Variants in EIF3H observed in about 807,000 individuals in gnomAD.
EIF3H encodes eIF-3-gamma.
Under a neutral mutation model 44.2 loss-of-function variants are expected in EIF3H, and 26 were observed. That is an observed-to-expected ratio of 0.59 (90% confidence interval 0.43 to 0.82). The LOEUF (loss-of-function observed/expected upper bound fraction) is 0.82, where lower values mean the gene tolerates loss of function less well. Ranked by LOEUF, EIF3H falls within the 40% of genes least tolerant of loss-of-function variation. The pLI, the probability that EIF3H is intolerant of heterozygous loss-of-function variation, is 0.00. For missense variants in EIF3H, 359 were observed against 432.8 expected (o/e 0.83, Z 1.51); for synonymous variants, 166 against 151.9 (o/e 1.09, Z -0.68).
chr8:116,750,923 A>T (rs1444324494), intron 1 of EIF3H, among the ~76,000 whole-genome samples: 1 of 151,948 alleles, frequency 6.6e-6, no homozygotes, highest in Non-Finnish European at 1.5e-5. Flanking sequence ...GTTTTAATAA[A>T]AGTATGAGGC....
At chr8:116,762,227 T>A (rs576996732) in intron 1 of EIF3H, among the ~76,000 whole-genome samples, 1 of 152,240 alleles carries the variant, frequency 6.6e-6, no homozygotes, top group South Asian at 2.1e-4. Context: ...CTCTATCATT[T>A]AGCATTGAGT....
intron 1 of EIF3H, 107 bp downstream of exon 1, chr8:116,755,559 C>T: frequency 6.7e-7 from 1 of 1,484,986 alleles, no homozygotes; most frequent in Non-Finnish European, 9.1e-7. Flanking sequence ...AAACTTTGGC[C>T]CAGCCACACC....
At chr8:116,757,261 G>A (rs376818040), upstream of EIF3H, among the ~76,000 whole-genome samples, 61 of 134,086 alleles carry the variant, frequency 4.5e-4, 1 homozygote, top group South Asian at 0.014. Flanking sequence ...TACACTAGAT[G>A]TAAGAGGTAC....
intron 1 of EIF3H, among the ~76,000 whole-genome samples, chr8:116,754,170 G>T (rs1815403726): frequency 6.6e-6 from 1 of 151,864 alleles, no homozygotes; most frequent in Middle Eastern, 3.2e-3. Context: ...CTGGAGTGCA[G>T]TGGCACAATC....
chr8:116,737,296 GAA>G (rs11284390), intron 1 of EIF3H: 9 of 396,420 alleles, frequency 2.3e-5, no homozygotes, highest in South Asian at 3.7e-5. Flanking sequence ...CCCTGGGGAA[GAA>G]AAAAAAAAGA....
intron 2 of EIF3H, among the ~76,000 whole-genome samples, chr8:116,666,555 A>G (rs942482207): frequency 1.3e-5 from 2 of 152,050 alleles, no homozygotes; most frequent in African/African-American, 2.4e-5. Flanking sequence ...ACACATACAC[A>G]TAGTGGAAGA....
intron 1 of EIF3H, among the ~76,000 whole-genome samples, chr8:116,744,905 G>T (rs1815206100): frequency 6.6e-6 from 1 of 152,198 alleles, no homozygotes; most frequent in Non-Finnish European, 1.5e-5. Flanking sequence ...CAAACTTCAT[G>T]CTTTGTAGAG....
chr8:116,655,870 G>A lies in EIF3H; in HGVS notation c.693C>T (p.Leu231=), dbSNP rs369635660. The stretch of plus-strand genomic sequence containing the variant: ...GGGCCACTTACCTGCTGGCAAGGCT[G>A]AGCAATTCATGTTTATCTGCAACAG... ...KSAVADKHEL[L]SLASSNHLGK... is the part of the protein sequence containing the mutation. The change falls in exon 5 of 8, where the codon CTC becomes CTT. Residue 231 remains leucine, a synonymous_variant. Coordinates refer to ENST00000521861, the MANE Select transcript of EIF3H (RefSeq NM_003756.3). 5.6e-6 allele frequency: 9 copies of A among 1,613,628 alleles called. No individual in the cohort carries two copies. The African/African-American group carries it at 1.2e-4, about 22-fold the overall frequency.
At chr8:116,752,212 T>C (rs904380136) in intron 1 of EIF3H, among the ~76,000 whole-genome samples, 2 of 152,122 alleles carry the variant, frequency 1.3e-5, no homozygotes, top group Non-Finnish European at 2.9e-5. Context: ...GATGAGAAAA[T>C]GTACCTTTGG....
upstream of EIF3H, among the ~76,000 whole-genome samples, chr8:116,759,533 C>T (rs1231381496): frequency 6.6e-6 from 1 of 152,154 alleles, no homozygotes; most frequent in Admixed American, 6.5e-5. Flanking sequence ...GACACTTAAA[C>T]CCCTTTCAAT....
intron 1 of EIF3H, among the ~76,000 whole-genome samples, chr8:116,749,354 C>T (rs1269187823): frequency 6.6e-6 from 1 of 152,138 alleles, no homozygotes. Context: ...CAGTAAAATG[C>T]TATAAATCAC....
At chr8:116,650,344 A>G (rs1282421223) in intron 5 of EIF3H, among the ~76,000 whole-genome samples, 1 of 152,138 alleles carries the variant, frequency 6.6e-6, no homozygotes, top group Non-Finnish European at 1.5e-5. Context: ...AGCTAAACCA[A>G]ATTACCATAT....
intron 5 of EIF3H, among the ~76,000 whole-genome samples, chr8:116,654,839 A>AT (rs1813461698): frequency 6.6e-6 from 1 of 152,058 alleles, no homozygotes; most frequent in South Asian, 2.1e-4. Flanking sequence ...AGAGAAGAAC[A>AT]TTGATGTCTC....
rs186801919 is a variant in EIF3H at position 116,657,081 on chromosome 8, G to A, written c.557+134C>T. On this transcript the variant is annotated intron_variant, in intron 4 of 7. Coordinates refer to ENST00000521861, the MANE Select transcript of EIF3H (RefSeq NM_003756.3). ...GAAAGGGAGAGAGCAAGCAGCACTC[G>A]GCATGCAGAAAACTTCTACAGTCCA... is the stretch of plus-strand genomic sequence containing the variant. 3.8e-3 allele frequency: 2,749 copies of A among 722,132 alleles called. 13 individuals are homozygous for A. The highest frequency in any genetic ancestry group is 5.4e-3 in the Non-Finnish European group (2,199 of 408,006). The allele number at this position is 722,132 out of a possible 1,614,324, so 44.7% of individuals were successfully genotyped here.
chr8:116,750,757 G>A (rs1473375368), intron 1 of EIF3H, among the ~76,000 whole-genome samples: 2 of 151,984 alleles, frequency 1.3e-5, no homozygotes, highest in Non-Finnish European at 2.9e-5. Context: ...TGAGGGGCTG[G>A]AATGTACAGT....
At chr8:116,756,760 A>G (rs971757646), upstream of EIF3H, among the ~76,000 whole-genome samples, 2 of 152,230 alleles carry the variant, frequency 1.3e-5, no homozygotes, top group Non-Finnish European at 2.9e-5. Flanking sequence ...TACAAAATGA[A>G]AAGTTAATAT....
chr8:116,691,636 A>G (rs1475931716), intron 2 of EIF3H, among the ~76,000 whole-genome samples: 1 of 152,134 alleles, frequency 6.6e-6, no homozygotes, highest in Non-Finnish European at 1.5e-5. Context: ...GCACTTTAGA[A>G]GGACAAGGCA....
chr8:116,693,317 C>T (rs1814211506), intron 2 of EIF3H, among the ~76,000 whole-genome samples: 1 of 152,180 alleles, frequency 6.6e-6, no homozygotes, highest in Non-Finnish European at 1.5e-5. Context: ...GTTAGCTCAA[C>T]AGAGTGAGCT....
intron 1 of EIF3H, among the ~76,000 whole-genome samples, chr8:116,736,287 T>A (rs79385727): frequency 6.6e-6 from 1 of 152,168 alleles, no homozygotes; most frequent in African/African-American, 2.4e-5. Flanking sequence ...GTGGGGAAAC[T>A]ATTCTATTAA....
Sources: gnomAD v4.1 joint callset for allele counts (sites outside exome capture counted in the v4.1 genomes callset) on GRCh38, gnomAD v4.1.1 for gene constraint, MANE v1.5 for transcripts, NCBI Gene and HGNC (gene_info 2026-07-23, HGNC 2026-07-21) for gene names.